BRAT1: variants seen among roughly 807,000 people sequenced by gnomAD.
BRAT1 encodes the protein integrator complex assembly factor BRAT1.
In BRAT1, 74 loss-of-function variants were observed where a neutral mutation model predicts 70.6. The observed-to-expected ratio is 1.05, with a 90% CI of 0.87 to 1.27. The LOEUF (loss-of-function observed/expected upper bound fraction) is 1.27. Ranked by LOEUF, BRAT1 falls within the 50% of genes most tolerant of loss-of-function variation. The probability of loss-of-function intolerance (pLI) is 0.00; values close to 1 mark genes in which losing one functional copy is unlikely to be tolerated. For synonymous variants in BRAT1, 615 were observed against 517.1 expected (o/e 1.19, Z -2.57); for missense variants, 1,203 against 1,098.2 (o/e 1.10, Z -1.35).
chr7:2,543,171 C>G lies in BRAT1; in HGVS notation c.923+33G>C. 6.5e-7 allele frequency: 1 copy of G among 1,528,688 alleles called. No homozygotes were observed. The highest frequency in any genetic ancestry group is 8.8e-7 in the Non-Finnish European group (1 of 1,136,954). The allele number at this position is 1,528,688 out of a possible 1,614,324, so 94.7% of individuals were successfully genotyped here. ...CCCTGCCTGCCCCAGCTCCCAGCACCCGCCTCGGAATGAAATGCACCCCAG... is the reference window on the plus strand; with the variant it reads ...CCCTGCCTGCCCCAGCTCCCAGCACGCGCCTCGGAATGAAATGCACCCCAG... On this transcript the variant is annotated intron_variant, in intron 6 of 13. Transcript: ENST00000340611. The surrounding 1 kb of genome is among the most constrained non-coding windows in gnomAD (Gnocchi z 5.5).
rs151317339 is a variant in BRAT1 at position 2,543,244 on chromosome 7, T to C, written c.883A>G (p.Met295Val). 861 of 1,610,432 alleles carry C rather than the reference T, an allele frequency of 5.3e-4. 3 individuals carry two copies. Among genetic ancestry groups the C allele is most frequent in the Non-Finnish European group, 6.9e-4 (819 of 1,178,448 alleles). The change falls in exon 6 of 14, where the codon ATG becomes GTG. Residue 295 changes from methionine (M) to valine (V), a missense_variant. Coordinates refer to ENST00000340611, the MANE Select transcript of BRAT1 (RefSeq NM_152743.4). The surrounding 1 kb of genome is among the most constrained non-coding windows in gnomAD (Gnocchi z 5.5). ...AGGATCCCCAAAGCCAGGGGTCCCATGTGGGTGGGACCCAGGCAGCTCAGA... is the reference window on the plus strand; with the variant it reads ...AGGATCCCCAAAGCCAGGGGTCCCACGTGGGTGGGACCCAGGCAGCTCAGA... ...RALSCLGPTHMGPLALGILKL... is the reference protein window; with the variant it reads ...RALSCLGPTHVGPLALGILKL...
At chr7:2,541,208 A>G in intron 9 of BRAT1, 90 bp downstream of exon 9, 1 of 1,454,338 alleles carries the variant, frequency 6.9e-7, no homozygotes. Flanking sequence ...AGAAACAGAG[A>G]GGGACAGCAG....
rs997920435 is a variant in BRAT1 at position 2,541,999 on chromosome 7, G to C, written c.1015+121C>G. The C allele has an allele frequency of 5.8e-6, 7 of 1,205,642 alleles. No individual in the cohort carries two copies. In the African/African-American group the frequency reaches 9.2e-5, roughly 16 times the overall value. 74.7% of individuals were successfully genotyped at this position (1,205,642 alleles called of 1,614,324 possible). On this transcript the variant is annotated intron_variant, in intron 7 of 13. Transcript: ENST00000340611. ...GTCCCCGGTCCCCTTTGCTCTTGGA[G>C]GGAGGCCTGGGTGTGATTAAAGTGG...
At position 2,543,204 on chromosome 7, in the gene BRAT1, C is replaced by T. The variant is rs1183351323; in HGVS notation, c.923G>A (p.Cys308Tyr). The change falls in exon 6 of 14, where the codon TGT (cysteine) becomes TAT (tyrosine). Residue 308 changes from cysteine (C) to tyrosine (Y), a missense_variant and splice_region_variant. Coordinates refer to ENST00000340611, the MANE Select transcript of BRAT1 (RefSeq NM_152743.4). The surrounding 1 kb of genome is among the most constrained non-coding windows in gnomAD (Gnocchi z 5.5). Reference protein sequence around the residue: ...LALGILKLEHCPQALRTQAFQ... With the variant: ...LALGILKLEHYPQALRTQAFQ... The stretch of plus-strand genomic sequence containing the variant: ...GAATGAAATGCACCCCAGACCATAC[C>T]AGTGCTCGAGCTTCAGGATCCCCAA... The T allele has an allele frequency of 3.7e-6, 6 of 1,602,590 alleles. No homozygotes were observed. The African/African-American group carries it at 4.0e-5, about 11-fold the overall frequency.
intron 10 of BRAT1, 166 bp from the exon 11 acceptor site, chr7:2,540,054 T>A (rs1336466282): frequency 1.8e-6 from 1 of 565,824 alleles, no homozygotes; most frequent in Non-Finnish European, 3.1e-6. Flanking sequence ...AGAGACAGGG[T>A]CTCAATGTGT....
intron 2 of BRAT1, among the ~76,000 whole-genome samples, chr7:2,548,678 A>G (rs576921557): frequency 1.5e-4 from 23 of 150,234 alleles, no homozygotes; most frequent in Non-Finnish European, 2.8e-4. Context: ...TAAAAAAAAA[A>G]AAGGCGGGGC....
Position 2,541,340 on chromosome 7 carries a change from G to T in BRAT1, c.1279C>A (p.Arg427=). The change falls in exon 9 of 14, where the codon CGA becomes AGA. Residue 427 remains arginine (R), a synonymous_variant. Transcript: ENST00000340611. The part of the protein sequence containing the change: ...GTLAGCVRVQ[R]AALDFLGTLS... Reference sequence around the variant, plus strand: ...GTCCCCAGGAAGTCGAGGGCTGCTCGCTGGACCCGGACGCAGCCCGCCAGG... The same window carrying T: ...GTCCCCAGGAAGTCGAGGGCTGCTCTCTGGACCCGGACGCAGCCCGCCAGG... The T allele has an allele frequency of 6.2e-7, 1 of 1,604,194 alleles. No individual in the cohort carries two copies.
Position 2,545,496 on chromosome 7 carries a change from C to CTTCTTTTTT in BRAT1, c.283-441_283-440insAAAAAAGAA, listed in dbSNP as rs1554296640. 2.5e-4 allele frequency among the ~76,000 whole-genome samples: 33 copies of CTTCTTTTTT among 130,008 alleles called. 2 individuals carry two copies. In the South Asian group the frequency reaches 3.7e-3, roughly 15 times the overall value. 85.3% of individuals were successfully genotyped at this position (130,008 alleles called of 152,430 possible). On this transcript the variant is annotated intron_variant, in intron 3 of 13. Coordinates refer to ENST00000340611, the MANE Select transcript of BRAT1 (RefSeq NM_152743.4). The stretch of plus-strand genomic sequence containing the variant: ...TACTTCTGGAGGACACTTTCTTCTT[C>CTTCTTTTTT]TTTTTTTTTTTTTTGAGACAGTCCC...
chr7:2,544,766 G>C (rs1779472465), intron 4 of BRAT1, 143 bp downstream of exon 4: 1 of 1,307,424 alleles, frequency 7.6e-7, no homozygotes, highest in Admixed American at 2.9e-5. Flanking sequence ...GAGAACACTG[G>C]ACAGCCGTAC....
intron 2 of BRAT1, among the ~76,000 whole-genome samples, chr7:2,552,919 T>G (rs1780148292): frequency 6.8e-6 from 1 of 146,880 alleles, no homozygotes; most frequent in Non-Finnish European, 1.5e-5. Context: ...TTTTTTTTTG[T>G]ATTTTTAGTA....
In BRAT1 at chr7:2,541,043, T is replaced by G; in HGVS notation, c.1331A>C (p.Glu444Ala). 1.3e-6 allele frequency: 2 copies of G among 1,567,224 alleles called. No homozygotes were observed. Among genetic ancestry groups the G allele is most frequent in the Non-Finnish European group, 1.7e-6 (2 of 1,166,182 alleles). ...GACAGCAAGCGCCTGCGTCACCAGCTCCTGGGGGCCTGAGACAGAGGTGAG... is the reference window on the plus strand; with the variant it reads ...GACAGCAAGCGCCTGCGTCACCAGCGCCTGGGGGCCTGAGACAGAGGTGAG... ...GTLSQGTGPQ[E>A]LVTQALAVLL... The change falls in exon 10 of 14, where the codon GAG (glutamate) becomes GCG (alanine). Residue 444 changes from glutamate (E) to alanine (A), a missense_variant. By Grantham distance (107) the Glu-to-Ala change is moderately radical. Coordinates refer to ENST00000340611, the MANE Select transcript of BRAT1 (RefSeq NM_152743.4).
At chr7:2,550,223 T>G (rs1021798792) in intron 2 of BRAT1, among the ~76,000 whole-genome samples, 3 of 150,470 alleles carry the variant, frequency 2.0e-5, no homozygotes, top group Admixed American at 6.6e-5. Context: ...TTGCAGCGAT[T>G]TGAGAGGCCA....
In BRAT1 at chr7:2,545,363, CAAA is replaced by C. The variant is rs1185029266; in HGVS notation, c.283-310_283-308del. Among the ~76,000 whole-genome samples the C allele has an allele frequency of 4.0e-4, 10 of 25,132 alleles. No individual in the cohort carries two copies. In the East Asian group the frequency reaches 4.7e-3, roughly 12 times the overall value. 16.5% of individuals were successfully genotyped at this position (25,132 alleles called of 152,430 possible). A position where few individuals can be genotyped will look rare whatever the true frequency, so the allele number is the denominator to read the frequency against. On this transcript the variant is annotated intron_variant, in intron 3 of 13. Transcript: ENST00000340611. ...TGGGTGACACAGCGAGACTCCATCTCAAAAAAAAAAAAAAAAAAAAAAAAAAAG... is the reference window on the plus strand; with the variant it reads ...TGGGTGACACAGCGAGACTCCATCTCAAAAAAAAAAAAAAAAAAAAAAAAG...
intron 2 of BRAT1, among the ~76,000 whole-genome samples, chr7:2,552,549 G>A (rs558886404): frequency 4.0e-4 from 61 of 150,668 alleles, no homozygotes; most frequent in Non-Finnish European, 7.7e-4. Context: ...AATACGGTGA[G>A]ACCCCATCCT....
At chr7:2,541,191 C>A in intron 9 of BRAT1, 107 bp downstream of exon 9, 1 of 1,436,646 alleles carries the variant, frequency 7.0e-7, no homozygotes, top group Non-Finnish European at 9.3e-7. Flanking sequence ...AGCCCCCACC[C>A]CAGAGAAGAA....
intron 2 of BRAT1, among the ~76,000 whole-genome samples, chr7:2,552,408 G>A (rs1232556611): frequency 4.7e-5 from 7 of 149,654 alleles, no homozygotes; most frequent in Admixed American, 2.0e-4. Flanking sequence ...ATGAACCACC[G>A]TGCCTGGCCT....
In BRAT1 at chr7:2,538,201, G is replaced by A; in HGVS notation, c.2334C>T (p.Ser778=). The A allele has an allele frequency of 6.2e-7, 1 of 1,609,808 alleles. No individual in the cohort carries two copies. The highest frequency in any genetic ancestry group is 8.5e-7 in the Non-Finnish European group (1 of 1,178,200). ...TGCTCCGCAGGCCCTCCAGGTCTAGGGACCTGAGCATGGCCAGCACAGCCT... is the reference window on the plus strand; with the variant it reads ...TGCTCCGCAGGCCCTCCAGGTCTAGAGACCTGAGCATGGCCAGCACAGCCT... ...EPEAVLAMLR[S]LDLEGLRSTL... Residue 778 remains serine, a synonymous_variant, in exon 14 of 14, where the codon TCC becomes TCT. Coordinates refer to ENST00000340611, the MANE Select transcript of BRAT1 (RefSeq NM_152743.4).
chr7:2,550,309 A>G (rs1326788693), intron 2 of BRAT1, among the ~76,000 whole-genome samples: 1 of 151,932 alleles, frequency 6.6e-6, no homozygotes, highest in Non-Finnish European at 1.5e-5. Flanking sequence ...ACTACAAAAA[A>G]TACAAAAACT....
chr7:2,554,512 G>T, intron 1 of BRAT1, 65 bp from the exon 2 acceptor site: 1 of 1,516,056 alleles, frequency 6.6e-7, no homozygotes, highest in Non-Finnish European at 8.8e-7. Context: ...TCTAGTCACA[G>T]CAGCCCACCA....
Sources: gnomAD v4.1 joint callset for allele counts (sites outside exome capture counted in the v4.1 genomes callset) on GRCh38, gnomAD v4.1.1 for gene constraint, Gnocchi (gnomAD v3.1) non-coding constraint, MANE v1.5 for transcripts, NCBI Gene and HGNC (gene_info 2026-07-23, HGNC 2026-07-21) for gene names.